PHACTR3: variants seen among roughly 807,000 people sequenced by gnomAD.
PHACTR3 encodes the protein phosphatase and actin regulator 3.
A neutral mutation model predicts 66.8 loss-of-function variants in PHACTR3; 16 were observed. The ratio of observed to expected loss-of-function variants is 0.24; its 90% confidence interval spans 0.16 to 0.36. The LOEUF is 0.36. Ranked by LOEUF, PHACTR3 falls within the 10% of genes least tolerant of loss-of-function variation. The pLI, the probability that PHACTR3 is intolerant of heterozygous loss-of-function variation, is 1.00. For synonymous variants in PHACTR3, 323 were observed against 292.1 expected, an observed-to-expected ratio of 1.11 and a Z score of -1.08; for missense variants, 647 against 719.9, an observed-to-expected ratio of 0.90 and a Z score of 1.16.
intron 10 of PHACTR3, 27 bp downstream of exon 10, chr20:59,840,457 T>TAATA: frequency 1.2e-6 from 2 of 1,611,522 alleles, no homozygotes; most frequent in Non-Finnish European, 1.7e-6. Context: ...ATTGCCTGAA[T>TAATA]AATAAAAGGT....
At chr20:59,819,659 C>T (rs1473552893) in intron 8 of PHACTR3, among the ~76,000 whole-genome samples, 1 of 151,906 alleles carries the variant, frequency 6.6e-6, no homozygotes, top group African/African-American at 2.4e-5. Context: ...CCGGTGCTGT[C>T]CCAGTACTGG....
chr20:59,604,802 C>T lies in PHACTR3; in HGVS notation c.-213C>T, dbSNP rs2033598023. ...GCGCACGCCGGGATGCGCCTGGCTG[C>T]AGCCGGCGAGGCTATTGTCTCCCCG... On this transcript the variant is annotated 5_prime_UTR_variant, in exon 1 of 13. Coordinates refer to ENST00000371015, the MANE Select transcript of PHACTR3 (RefSeq NM_080672.5). 1.7e-6 allele frequency: 2 copies of T among 1,206,266 alleles called. No homozygotes were observed. The allele number at this position is 1,206,266 out of a possible 1,614,324, so 74.7% of individuals were successfully genotyped here. A position where few individuals can be genotyped will look rare whatever the true frequency, so the allele number is the denominator to read the frequency against.
At chr20:59,604,361 G>A (rs1446930567), upstream of PHACTR3, among the ~76,000 whole-genome samples, 1 of 151,972 alleles carries the variant, frequency 6.6e-6, no homozygotes, top group Admixed American at 6.5e-5. Context: ...GGGGTGGGCG[G>A]CTCCTAACCC....
At chr20:59,583,564 G>A (rs1204204992) in intron 1 of PHACTR3, among the ~76,000 whole-genome samples, 4 of 152,338 alleles carry the variant, frequency 2.6e-5, no homozygotes, top group Middle Eastern at 3.4e-3. Context: ...CCGCGTGCCC[G>A]CCTACGCAAG....
intron 1 of PHACTR3, 68 bp from the exon 2 acceptor site, chr20:59,743,039 C>A: frequency 1.3e-6 from 2 of 1,549,932 alleles, no homozygotes; most frequent in South Asian, 1.2e-5. Flanking sequence ...GAGGTCATCA[C>A]CTTGGGCCCC....
At chr20:59,726,027 A>G (rs535482068) in intron 1 of PHACTR3, among the ~76,000 whole-genome samples, 2 of 152,320 alleles carry the variant, frequency 1.3e-5, no homozygotes, top group South Asian at 4.2e-4. Context: ...AGGGTGTACC[A>G]TGTGCTCCAG....
intron 11 of PHACTR3, chr20:59,843,666 T>TATATACAAAAATC (rs1343045341): frequency 6.6e-5 from 10 of 151,994 alleles, no homozygotes; most frequent in African/African-American, 2.4e-4. Flanking sequence ...TATTTCTTAC[T>TATATACAAAAATC]ATATACAAAA....
intron 1 of PHACTR3, among the ~76,000 whole-genome samples, chr20:59,708,165 C>T (rs1486642783): frequency 6.6e-6 from 1 of 152,150 alleles, no homozygotes. Flanking sequence ...ATGGGAGCAT[C>T]AGCTCCATCC....
intron 8 of PHACTR3, among the ~76,000 whole-genome samples, chr20:59,827,363 C>T (rs932114288): frequency 3.9e-5 from 6 of 152,186 alleles, no homozygotes; most frequent in Non-Finnish European, 7.3e-5. Context: ...GGACTCATCT[C>T]ATCTGTATCC....
intron 1 of PHACTR3, among the ~76,000 whole-genome samples, chr20:59,581,409 T>A (rs6100512): frequency 0.012 from 1,884 of 152,312 alleles, 35 homozygotes; most frequent in African/African-American, 0.042. Flanking sequence ...CAGTGGCCCC[T>A]CAGGTCTGCT....
chr20:59,757,783 C>T (rs816256), intron 4 of PHACTR3, among the ~76,000 whole-genome samples: 99,283 of 152,030 alleles, frequency 0.65, 33,508 homozygotes, highest in Non-Finnish European at 0.73. Flanking sequence ...ATGACGCCAT[C>T]TCTACAAAAA....
At chr20:59,641,040 A>G (rs1252308161) in intron 1 of PHACTR3, among the ~76,000 whole-genome samples, 2 of 152,300 alleles carry the variant, frequency 1.3e-5, no homozygotes, top group Non-Finnish European at 2.9e-5. Flanking sequence ...GAGATAATGT[A>G]TGCATATATA....
chr20:59,769,270 A>C (rs975178471), intron 5 of PHACTR3, among the ~76,000 whole-genome samples: 4 of 152,206 alleles, frequency 2.6e-5, no homozygotes, highest in Non-Finnish European at 4.4e-5. Flanking sequence ...TCCACCTGGA[A>C]CCTCAGAACA....
At chr20:59,817,605 A>G (rs926608825) in intron 8 of PHACTR3, among the ~76,000 whole-genome samples, 3 of 152,272 alleles carry the variant, frequency 2.0e-5, no homozygotes, top group African/African-American at 7.2e-5. Flanking sequence ...CAAATGCTCC[A>G]TAAGTGACCT....
Position 59,738,805 on chromosome 20 carries a change from A to T in PHACTR3, c.119-4302A>T, listed in dbSNP as rs2039043884. On this transcript the variant is annotated intron_variant, in intron 1 of 12. Transcript: ENST00000371015. The surrounding 1 kb of genome is among the most constrained non-coding windows in gnomAD (Gnocchi z 4.4). Reference sequence around the variant, plus strand: ...GAGGTGAGATATAAATAAAGCAATGATTATGCTCCATCCTCGTCTCCTCTG... The same window carrying T: ...GAGGTGAGATATAAATAAAGCAATGTTTATGCTCCATCCTCGTCTCCTCTG... 6.6e-6 allele frequency among the ~76,000 whole-genome samples: 1 copy of T among 152,136 alleles called. No individual in the cohort carries two copies. Among genetic ancestry groups the T allele is most frequent in the Non-Finnish European group, 1.5e-5 (1 of 68,016 alleles).
intron 4 of PHACTR3, among the ~76,000 whole-genome samples, chr20:59,760,712 G>T (rs542548517): frequency 1.3e-5 from 2 of 152,168 alleles, no homozygotes; most frequent in East Asian, 3.9e-4. Flanking sequence ...GGACTAATAA[G>T]TGCCACACCA....
chr20:59,745,318 C>T (rs1428882669), intron 2 of PHACTR3, among the ~76,000 whole-genome samples: 1 of 152,140 alleles, frequency 6.6e-6, no homozygotes, highest in African/African-American at 2.4e-5. Context: ...CTGCTGACCC[C>T]AGCAGTGGAA....
At chr20:59,746,702 C>T (rs1229925210) in intron 2 of PHACTR3, among the ~76,000 whole-genome samples, 1 of 152,188 alleles carries the variant, frequency 6.6e-6, no homozygotes, top group Non-Finnish European at 1.5e-5. Flanking sequence ...TCTGTCTGTT[C>T]CCCGGCAGCT....
intron 5 of PHACTR3, among the ~76,000 whole-genome samples, chr20:59,768,471 C>T (rs1190064252): frequency 6.6e-6 from 1 of 152,224 alleles, no homozygotes; most frequent in Non-Finnish European, 1.5e-5. Context: ...GTCCCAGGTC[C>T]TGGAAATGAT....
Sources: allele counts gnomAD v4.1 joint callset (sites outside exome capture counted in the v4.1 genomes callset), GRCh38; gene constraint gnomAD v4.1.1; non-coding constraint Gnocchi (gnomAD v3.1); transcripts MANE v1.5; gene names NCBI Gene and HGNC (gene_info 2026-07-23, HGNC 2026-07-21).